The following CAB39 variants were observed in gnomAD, a reference collection of about 807,000 sequenced individuals.
CAB39 encodes calcium binding protein 39.
CAB39 carries 8 observed loss-of-function variants against 40.0 expected under a neutral mutation model. The observed-to-expected ratio is 0.20, with a 90% CI of 0.12 to 0.36. The LOEUF (loss-of-function observed/expected upper bound fraction) is 0.36, where lower values mean the gene tolerates loss of function less well. CAB39 is among the 10% of genes least tolerant of loss of function. The pLI, the probability that CAB39 is intolerant of heterozygous loss-of-function variation, is 1.00. For synonymous variants in CAB39, 156 were observed against 141.6 expected (o/e 1.10, Z -0.72); for missense variants, 270 against 401.1 (o/e 0.67, Z 2.79).
intron 2 of CAB39, among the ~76,000 whole-genome samples, chr2:230,784,156 G>C (rs920486890): frequency 1.3e-5 from 2 of 152,158 alleles, no homozygotes; most frequent in African/African-American, 4.8e-5. Context: ...TGATGAGTTA[G>C]CTATTGGGGC....
rs546638242 is a variant in CAB39 at position 230,740,878 on chromosome 2, A to C, written c.-43-19081A>C. 4.7e-4 allele frequency among the ~76,000 whole-genome samples: 72 copies of C among 152,358 alleles called. 1 individual carries two copies. The highest frequency in any genetic ancestry group is 5.9e-4 in the Admixed American group (9 of 15,304). Reference sequence around the variant, plus strand: ...ATGGGGCTTCCTATGCAACATGTACAAAAGACTTGGGTCAATTAAATTGCT... The same window carrying C: ...ATGGGGCTTCCTATGCAACATGTACCAAAGACTTGGGTCAATTAAATTGCT... On this transcript the variant is annotated intron_variant, in intron 1 of 8. Transcript: ENST00000258418.
intron 3 of CAB39, 89 bp downstream of exon 3, chr2:230,791,125 C>T: frequency 2.0e-6 from 2 of 1,024,734 alleles, no homozygotes; most frequent in Admixed American, 3.0e-5. Flanking sequence ...TTGTAAGATT[C>T]CTTTTGGGCT....
At chr2:230,752,364 G>C (rs901782684) in intron 1 of CAB39, 1 of 152,138 alleles carries the variant, frequency 6.6e-6, no homozygotes, top group South Asian at 2.1e-4. Flanking sequence ...ACGAGTCTGG[G>C]TAATTTATAA....
At chr2:230,814,204 T>C in intron 7 of CAB39, 90 bp downstream of exon 7, 2 of 666,332 alleles carry the variant, frequency 3.0e-6, no homozygotes, top group South Asian at 4.5e-5. Flanking sequence ...GGATGGGTCA[T>C]AGACCTTTGG....
rs546607014 is a variant in CAB39 at position 230,750,428 on chromosome 2, C to G, written c.-43-9531C>G. Among the ~76,000 whole-genome samples, 29 of 152,284 alleles carry G rather than the reference C, an allele frequency of 1.9e-4. No homozygotes were observed. In the South Asian group the frequency reaches 6.0e-3, roughly 32 times the overall value. ...AAACCCTCACCAGAAGCTGACCAGA[C>G]GCTGCCACCTGATCTTGTACCTCTC... On this transcript the variant is annotated intron_variant, in intron 1 of 8. Transcript: ENST00000258418.
rs1455881964 is a variant in CAB39, at chr2:230,820,568, A to G, written c.*1864A>G. On this transcript the variant is annotated 3_prime_UTR_variant, in exon 9 of 9. Transcript: ENST00000258418. ...GGTGTAGTGCTGTGTGTATGGAGTT[A>G]GTGTAAAAACATGGATTACACCAAG... is the stretch of plus-strand genomic sequence containing the variant. 2 of 152,410 alleles carry G rather than the reference A, an allele frequency of 1.3e-5. No homozygotes were observed. The highest frequency in any genetic ancestry group is 6.5e-5 in the Admixed American group (1 of 15,286). 9.4% of individuals were successfully genotyped at this position (152,410 alleles called of 1,614,324 possible). A position where few individuals can be genotyped will look rare whatever the true frequency, so the allele number is the denominator to read the frequency against.
chr2:230,782,575 GA>G lies in CAB39; in HGVS notation c.115-8296del, dbSNP rs1405346633. 5.3e-5 allele frequency among the ~76,000 whole-genome samples: 8 copies of G among 152,078 alleles called. No individual in the cohort carries two copies. In the East Asian group the frequency reaches 1.5e-3, roughly 29 times the overall value. ...TTCTTACTCCACCCCACAGGTAGAC[GA>G]CCATACTGAGTTTGATGTGTATTCT... On this transcript the variant is annotated intron_variant, in intron 2 of 8. Transcript: ENST00000258418.
At chr2:230,810,468 A>T (rs1375150995) in intron 6 of CAB39, 146 bp downstream of exon 6, 7 of 411,460 alleles carry the variant, frequency 1.7e-5, no homozygotes, top group Non-Finnish European at 2.2e-5. Flanking sequence ...CTCTACTTAA[A>T]CAACTTATAG....
chr2:230,787,147 A>G (rs2124952442), intron 2 of CAB39, among the ~76,000 whole-genome samples: 2 of 152,350 alleles, frequency 1.3e-5, no homozygotes, highest in Middle Eastern at 3.4e-3. Context: ...AATAGGGAAG[A>G]AATAGTATAA....
intron 7 of CAB39, among the ~76,000 whole-genome samples, chr2:230,816,800 C>T (rs774006806): frequency 2.0e-5 from 3 of 152,128 alleles, no homozygotes; most frequent in Non-Finnish European, 4.4e-5. Flanking sequence ...ATGATGGAAC[C>T]GAGACACAGA....
intron 7 of CAB39, among the ~76,000 whole-genome samples, chr2:230,815,744 C>T (rs1053392006): frequency 6.6e-6 from 1 of 152,220 alleles, no homozygotes; most frequent in Non-Finnish European, 1.5e-5. Context: ...CCACCATTTC[C>T]AAGCCCTTAG....
At position 230,818,729 on chromosome 2, in the gene CAB39, T is replaced by A. The variant is rs1324967942; in HGVS notation, c.*25T>A. 2 of 1,586,480 alleles carry A rather than the reference T, an allele frequency of 1.3e-6. No homozygotes were observed. The highest frequency in any genetic ancestry group is 1.7e-6 in the Non-Finnish European group (2 of 1,157,836). ...ATCTCCAATAAACATCTATGTTAAA[T>A]CCAAATTCAGCATTTGCTGTTAGCT... On this transcript the variant is annotated 3_prime_UTR_variant, in exon 9 of 9. Coordinates refer to ENST00000258418, the MANE Select transcript of CAB39 (RefSeq NM_016289.4).
At chr2:230,745,714 C>G (rs547245353) in intron 1 of CAB39, among the ~76,000 whole-genome samples, 1 of 152,070 alleles carries the variant, frequency 6.6e-6, no homozygotes, top group African/African-American at 2.4e-5. Context: ...GCAACCTCCA[C>G]CTCCCGGGTT....
intron 2 of CAB39, among the ~76,000 whole-genome samples, chr2:230,772,791 G>A (rs1246523081): frequency 7.9e-5 from 12 of 151,972 alleles, no homozygotes; most frequent in Admixed American, 7.2e-4. Context: ...GGCCTAGTTT[G>A]GCAGCTTTTT....
At chr2:230,715,880 T>C (rs1358010468) in intron 1 of CAB39, among the ~76,000 whole-genome samples, 1 of 152,196 alleles carries the variant, frequency 6.6e-6, no homozygotes, top group African/African-American at 2.4e-5. Flanking sequence ...TTTGTATTTT[T>C]ATAGAGACAG....
chr2:230,779,151 C>G lies in CAB39; in HGVS notation c.115-11721C>G, dbSNP rs1052293968. On this transcript the variant is annotated intron_variant, in intron 2 of 8. Transcript: ENST00000258418. ...AAAGATGAAGTTGTTATCATTTGAT[C>G]ATATGTGGAAGTCAGGCTCCATAGT... 3.3e-5 allele frequency: 5 copies of G among 152,130 alleles called. No homozygotes were observed. The East Asian group carries it at 9.6e-4, about 29-fold the overall frequency. The allele number at this position is 152,130 out of a possible 1,614,324, so 9.4% of individuals were successfully genotyped here. A position where few individuals can be genotyped will look rare whatever the true frequency, so the allele number is the denominator to read the frequency against.
At chr2:230,796,217 G>T (rs757185685) in intron 4 of CAB39, among the ~76,000 whole-genome samples, 20 of 152,170 alleles carry the variant, frequency 1.3e-4, no homozygotes, top group Non-Finnish European at 2.8e-4. Flanking sequence ...AATTTAGACT[G>T]CTTCCATACA....
At chr2:230,754,205 A>T (rs1428424844) in intron 1 of CAB39, among the ~76,000 whole-genome samples, 1 of 152,156 alleles carries the variant, frequency 6.6e-6, no homozygotes, top group Non-Finnish European at 1.5e-5. Context: ...ATCTGGTTAC[A>T]TAAGTTCTTT....
chr2:230,814,147 C>G, intron 7 of CAB39, 33 bp downstream of exon 7: 2 of 1,046,128 alleles, frequency 1.9e-6, no homozygotes, highest in Non-Finnish European at 1.4e-6. Flanking sequence ...GCTTATTTCT[C>G]TGTACCTTGT....
Sources: allele counts gnomAD v4.1 joint callset (sites outside exome capture counted in the v4.1 genomes callset), GRCh38; gene constraint gnomAD v4.1.1; transcripts MANE v1.5; gene names NCBI Gene and HGNC (gene_info 2026-07-23, HGNC 2026-07-21).